The following ABCA5 variants were observed in gnomAD, a reference collection of about 807,000 sequenced individuals.
ABCA5 encodes ATP binding cassette subfamily A member 5.
Under a neutral mutation model 206.0 loss-of-function variants are expected in ABCA5, and 163 were observed. That is an observed-to-expected ratio of 0.79 (90% CI 0.70 to 0.90). The LOEUF is 0.90. Among genes scored for constraint, ABCA5 ranks in the 40% least tolerant of loss-of-function variants. The pLI is 0.00. For missense variants in ABCA5, 1,859 were observed against 1,912.9 expected, an observed-to-expected ratio of 0.97 and a Z score of 0.53; for synonymous variants, 609 against 613.8, an observed-to-expected ratio of 0.99 and a Z score of 0.11.
intron 1 of ABCA5, chr17:69,315,075 A>T (rs1198067096): frequency 2.6e-5 from 4 of 152,312 alleles, no homozygotes; most frequent in African/African-American, 7.2e-5. Flanking sequence ...TGGAGGATAG[A>T]AACAGCAGCC....
rs1440617034 is a variant in ABCA5, at chr17:69,314,391, C to T, written c.25G>A (p.Gly9Arg). MSTAIREVGVWRQTRTLLL... is the reference protein window; with the variant it reads MSTAIREVRVWRQTRTLLL... ...AGTGTTCTGGTCTGTCTCCAAACTC[C>T]TACCTCCCTAATTGCAGTGGACATG... is the stretch of plus-strand genomic sequence containing the variant. The change falls in exon 2 of 39, where the codon GGA becomes AGA. Residue 9 changes from glycine to arginine, a missense_variant. Gly to Arg is a moderately radical substitution (Grantham distance 125). Transcript: ENST00000392676. The T allele has an allele frequency of 6.2e-7, 1 of 1,612,900 alleles. No homozygotes were observed. The highest frequency in any genetic ancestry group is 1.1e-5 in the South Asian group (1 of 90,934).
Position 69,260,393 on chromosome 17 carries a change from C to A in ABCA5, c.3584G>T (p.Arg1195Leu). 1 of 1,605,766 alleles carries A rather than the reference C, an allele frequency of 6.2e-7. No homozygotes were observed. The highest frequency in any genetic ancestry group is 1.1e-5 in the South Asian group (1 of 90,198). Residue 1195 changes from arginine to leucine, a missense_variant, in exon 27 of 39, where the codon CGA becomes CTA. Coordinates refer to ENST00000392676, the MANE Select transcript of ABCA5 (RefSeq NM_172232.4). ...SFIKISWKNV[R>L]KNVDTYNPWD... ...TGGATTATAGGTGTCCACATTTTTT[C>A]GTACATTCTTCCAAGAAATCTAAGA...
chr17:69,287,668 G>C lies in ABCA5; in HGVS notation c.1986C>G (p.Ala662=), dbSNP rs2075473385. The C allele has an allele frequency of 6.2e-7, 1 of 1,613,856 alleles. No homozygotes were observed. Among genetic ancestry groups the C allele is most frequent in the African/African-American group, 1.3e-5 (1 of 75,012 alleles). ...IVWNLLKYRK[A]NRVTVFSTHF... is the part of the protein sequence containing the mutation. ...GAGTACTGAACACTGTCACCCGATTGGCTTTTCTGTATTTTAAAAGATTCC... is the reference window on the plus strand; with the variant it reads ...GAGTACTGAACACTGTCACCCGATTCGCTTTTCTGTATTTTAAAAGATTCC... Residue 662 remains alanine (A), a synonymous_variant, in exon 15 of 39, where the codon GCC becomes GCG. Coordinates refer to ENST00000392676, the MANE Select transcript of ABCA5 (RefSeq NM_172232.4).
At chr17:69,268,803 G>A (rs1310634682) in intron 22 of ABCA5, 2 of 152,120 alleles carry the variant, frequency 1.3e-5, no homozygotes, top group African/African-American at 4.8e-5. Flanking sequence ...CCCCTCCATG[G>A]GATGACATAG....
At chr17:69,323,722 A>G (rs1272714840) in intron 1 of ABCA5, among the ~76,000 whole-genome samples, 1 of 152,170 alleles carries the variant, frequency 6.6e-6, no homozygotes, top group East Asian at 1.9e-4. Flanking sequence ...GAAATATTAA[A>G]CCCAGTATCA....
chr17:69,248,358 GA>G (rs750100724), intron 37 of ABCA5, 41 bp from the exon 38 acceptor site: 6 of 1,243,450 alleles, frequency 4.8e-6, no homozygotes, highest in South Asian at 2.8e-5. Context: ...ATCAATATCT[GA>G]AAAAAATGGC....
In ABCA5 at chr17:69,253,582, T is replaced by C. The variant is rs2075040885; in HGVS notation, c.4406A>G (p.Gln1469Arg). The C allele has an allele frequency of 1.2e-6, 2 of 1,612,470 alleles. No individual in the cohort carries two copies. The highest frequency in any genetic ancestry group is 2.2e-5 in the East Asian group (1 of 44,802). The change falls in exon 34 of 39, where the codon CAG (glutamine) becomes CGG (arginine). Residue 1469 changes from glutamine (Q) to arginine (R), a missense_variant. Gln to Arg is a conservative substitution (Grantham distance 43, BLOSUM62 1). Transcript: ENST00000392676. ...PSTGMDPKAK[Q>R]HMWRAIRTAF... ...CAAGTACCATACTCACCACATGTGC[T>C]GTTTGGCTTTGGGATCCATACCTGT...
intron 20 of ABCA5, among the ~76,000 whole-genome samples, chr17:69,272,870 A>T (rs185460553): frequency 3.9e-5 from 6 of 152,298 alleles, no homozygotes; most frequent in Admixed American, 1.3e-4. Flanking sequence ...AGCCATGCTT[A>T]TTATTTTAAT....
Position 69,271,308 on chromosome 17 carries a change from C to A in ABCA5, c.2765-19G>T, listed in dbSNP as rs1164616932. 1.9e-6 allele frequency: 3 copies of A among 1,592,116 alleles called. No individual in the cohort carries two copies. In the Admixed American group the frequency reaches 5.5e-5, roughly 29 times the overall value. On this transcript the variant is annotated intron_variant, in intron 20 of 38. Transcript: ENST00000392676. ...TCTGAGTCTGGTGTTAGAAAATAAGCAAATAATAAAAAATGAGTCTAAACG... is the reference window on the plus strand; with the variant it reads ...TCTGAGTCTGGTGTTAGAAAATAAGAAAATAATAAAAAATGAGTCTAAACG...
chr17:69,303,294 T>A (rs1271406593), intron 7 of ABCA5, among the ~76,000 whole-genome samples: 1 of 152,180 alleles, frequency 6.6e-6, no homozygotes, highest in African/African-American at 2.4e-5. Flanking sequence ...TTTAGTATTT[T>A]TTTTGTAGAG....
intron 20 of ABCA5, 133 bp from the exon 21 acceptor site, chr17:69,271,422 T>C: frequency 1.0e-6 from 1 of 977,510 alleles, no homozygotes. Flanking sequence ...ACATTGGCTC[T>C]GAAGCCAGTC....
At chr17:69,267,878 C>A (rs1450344646) in intron 23 of ABCA5, 65 bp downstream of exon 23, 1 of 842,000 alleles carries the variant, frequency 1.2e-6, no homozygotes. Flanking sequence ...TGCAATCAAG[C>A]AAATAGGTTA....
intron 23 of ABCA5, among the ~76,000 whole-genome samples, chr17:69,267,062 A>G (rs902669333): frequency 6.6e-6 from 1 of 151,726 alleles, no homozygotes; most frequent in Admixed American, 6.6e-5. Flanking sequence ...TTTAGTAGAG[A>G]CGGGGTTTCT....
chr17:69,302,686 T>C, intron 8 of ABCA5, 32 bp downstream of exon 8: 2 of 1,381,178 alleles, frequency 1.4e-6, no homozygotes, highest in Non-Finnish European at 1.9e-6. Context: ...AAAGAAAATA[T>C]TTAGTGAATG....
At chr17:69,288,765 A>G (rs542162008) in intron 14 of ABCA5, among the ~76,000 whole-genome samples, 53 of 151,856 alleles carry the variant, frequency 3.5e-4, no homozygotes, top group African/African-American at 1.2e-3. Context: ...CATGGCAGTC[A>G]TAACTAAAGT....
At chr17:69,294,766 G>A (rs2075568302) in intron 10 of ABCA5, 53 bp from the exon 11 acceptor site, 1 of 1,214,652 alleles carries the variant, frequency 8.2e-7, no homozygotes, top group Admixed American at 2.0e-5. Context: ...ATAAGTATGT[G>A]TGTTTATTTA....
chr17:69,274,439 C>T (rs817128), intron 19 of ABCA5, among the ~76,000 whole-genome samples: 31,726 of 151,942 alleles, frequency 0.21, 3,976 homozygotes, highest in East Asian at 0.5. Context: ...AGGCTGGTCT[C>T]AAACTCCTGA....
intron 9 of ABCA5, 119 bp from the exon 10 acceptor site, chr17:69,297,478 A>G (rs1299544399): frequency 8.6e-6 from 7 of 814,612 alleles, no homozygotes; most frequent in Admixed American, 5.8e-5. Flanking sequence ...CAACATATAT[A>G]TATTTCCAAA....
chr17:69,251,913 TA>T (rs201178598), intron 34 of ABCA5, 47 bp from the exon 35 acceptor site: 391 of 1,551,662 alleles, frequency 2.5e-4, no homozygotes, highest in East Asian at 9.5e-4. Context: ...ATCTGTTTGT[TA>T]AAAAAAAATG....
Sources: allele counts gnomAD v4.1 joint callset (sites outside exome capture counted in the v4.1 genomes callset), GRCh38; gene constraint gnomAD v4.1.1; transcripts MANE v1.5; gene names NCBI Gene and HGNC (gene_info 2026-07-23, HGNC 2026-07-21).